CRACD: variants seen among roughly 807,000 people sequenced by gnomAD.
The protein encoded by CRACD is capping protein inhibiting regulator of actin dynamics.
A neutral mutation model predicts 106.8 loss-of-function variants in CRACD; 56 were observed. The ratio of observed to expected loss-of-function variants is 0.52; its 90% CI spans 0.42 to 0.66. The LOEUF (loss-of-function observed/expected upper bound fraction) is 0.66, where lower values mean the gene tolerates loss of function less well. Among genes scored for constraint, CRACD ranks in the 30% least tolerant of loss-of-function variants. The probability of loss-of-function intolerance (pLI) is 0.00; values close to 1 mark genes in which losing one functional copy is unlikely to be tolerated. For missense variants in CRACD, 1,730 were observed against 1,623.2 expected, an observed-to-expected ratio of 1.07 and a Z score of -1.13; for synonymous variants, 754 against 670.8, an observed-to-expected ratio of 1.12 and a Z score of -1.92.
intron 7 of CRACD, 133 bp from the exon 8 acceptor site, chr4:56,313,907 C>A: frequency 8.3e-7 from 1 of 1,198,108 alleles, no homozygotes; most frequent in Non-Finnish European, 1.2e-6. Flanking sequence ...GTTTAGCTAT[C>A]CCTGAACTTG....
chr4:56,243,518 T>TA (rs1740492795), intron 2 of CRACD, among the ~76,000 whole-genome samples: 1 of 152,198 alleles, frequency 6.6e-6, no homozygotes, highest in Non-Finnish European at 1.5e-5. Flanking sequence ...TACACTATAT[T>TA]AAAAAACAAA....
intron 2 of CRACD, among the ~76,000 whole-genome samples, chr4:56,248,281 A>G (rs1740815464): frequency 6.6e-6 from 1 of 152,172 alleles, no homozygotes; most frequent in Non-Finnish European, 1.5e-5. Context: ...ACATCTTACT[A>G]TGGAAAAATG....
chr4:56,164,414 G>A (rs1736067923), intron 1 of CRACD, among the ~76,000 whole-genome samples: 1 of 152,164 alleles, frequency 6.6e-6, no homozygotes, highest in Admixed American at 6.6e-5. Flanking sequence ...GATTACAGGC[G>A]TGAGCCACCG....
chr4:56,292,964 A>G (rs1486388394), intron 3 of CRACD, among the ~76,000 whole-genome samples: 2 of 152,232 alleles, frequency 1.3e-5, no homozygotes, highest in Non-Finnish European at 2.9e-5. Flanking sequence ...TAGACTTTCA[A>G]ATAATTGTGA....
intron 2 of CRACD, among the ~76,000 whole-genome samples, chr4:56,220,715 A>G (rs773457796): frequency 2.0e-5 from 3 of 151,768 alleles, no homozygotes; most frequent in Non-Finnish European, 4.4e-5. Flanking sequence ...TTTATTCACT[A>G]CTGACTAGTA....
intron 8 of CRACD, among the ~76,000 whole-genome samples, chr4:56,322,094 A>G (rs1378531094): frequency 6.6e-6 from 1 of 152,224 alleles, no homozygotes; most frequent in Non-Finnish European, 1.5e-5. Context: ...TTGAGATAAT[A>G]AGAGATTCAA....
chr4:56,114,426 C>T (rs1010692719), intron 1 of CRACD, among the ~76,000 whole-genome samples: 1 of 151,890 alleles, frequency 6.6e-6, no homozygotes, highest in African/African-American at 2.4e-5. Context: ...ATTTCATTGG[C>T]CAGAAATAGG....
intron 3 of CRACD, among the ~76,000 whole-genome samples, chr4:56,293,287 G>C (rs1305844083): frequency 1.3e-5 from 2 of 152,166 alleles, no homozygotes; most frequent in Non-Finnish European, 2.9e-5. Flanking sequence ...GTATTTAAGA[G>C]ATAAAGGCTG....
intron 2 of CRACD, among the ~76,000 whole-genome samples, chr4:56,264,329 A>G (rs548010266): frequency 6.6e-6 from 1 of 152,278 alleles, no homozygotes; most frequent in Non-Finnish European, 1.5e-5. Context: ...GTCCCCCTGA[A>G]TAAAGTCTAC....
chr4:56,262,843 T>A (rs1741785796), intron 2 of CRACD, among the ~76,000 whole-genome samples: 1 of 152,218 alleles, frequency 6.6e-6, no homozygotes, highest in Admixed American at 6.5e-5. Context: ...TTTCCTAAAA[T>A]ATTGCACTTC....
chr4:56,311,088 T>TTA (rs1269068956), intron 6 of CRACD: 1 of 191,956 alleles, frequency 5.2e-6, no homozygotes, highest in African/African-American at 2.4e-5. Context: ...ACGAGTCCTC[T>TTA]TATATTTAGA....
At chr4:56,284,739 A>AC (rs1743238590) in intron 3 of CRACD, among the ~76,000 whole-genome samples, 1 of 151,540 alleles carries the variant, frequency 6.6e-6, no homozygotes, top group Non-Finnish European at 1.5e-5. Flanking sequence ...ACAAAAAACA[A>AC]AAAAAAAGAA....
At chr4:56,200,515 C>A (rs1014505865) in intron 2 of CRACD, among the ~76,000 whole-genome samples, 4 of 152,162 alleles carry the variant, frequency 2.6e-5, no homozygotes, top group African/African-American at 9.7e-5. Flanking sequence ...ATGCGACACT[C>A]ATTTCACTGA....
chr4:56,323,291 T>C (rs1746219325), intron 8 of CRACD, 86 bp from the exon 9 acceptor site: 3 of 1,183,890 alleles, frequency 2.5e-6, no homozygotes, highest in Admixed American at 2.4e-5. Flanking sequence ...GGGTTATTAA[T>C]ATGTCACAAG....
Position 56,314,680 on chromosome 4 carries a change from G to A in CRACD, c.1178G>A (p.Arg393Gln), listed in dbSNP as rs556213097. Residue 393 changes from arginine to glutamine, a missense_variant, in exon 8 of 11, where the codon CGG becomes CAG. Transcript: ENST00000682029. The surrounding 1 kb of genome is among the most constrained non-coding windows in gnomAD (Gnocchi z 4.4). ...GCGTTGGAGGAGACTGGGGAGGGCC[G>A]GCGGGGCGCGGAGGAGGAGGATCTG... ...PEALEETGEG[R>Q]RGAEEEDLGE... 3.7e-5 allele frequency: 57 copies of A among 1,551,302 alleles called. No individual in the cohort carries two copies. The African/African-American group carries it at 7.1e-4, about 19-fold the overall frequency.
rs1251205442 is a variant in CRACD at position 56,314,961 on chromosome 4, G to C, written c.1459G>C (p.Asp487His). 6.3e-7 allele frequency: 1 copy of C among 1,590,746 alleles called. No homozygotes were observed. The highest frequency in any genetic ancestry group is 1.8e-5 in the Admixed American group (1 of 54,938). The change falls in exon 8 of 11, where the codon GAC becomes CAC. Residue 487 changes from aspartate to histidine, a missense_variant. This residue lies in a region of CRACD where 1,620 missense variants were observed against 1,481.6 expected (regional missense o/e 1.09). Transcript: ENST00000682029. The surrounding 1 kb of genome is among the most constrained non-coding windows in gnomAD (Gnocchi z 4.4). ...GCCCGAGGAAAAGAGAGAAGAAGGG[G>C]ACACGGAGCCTCTCCTGAAACAAGA... Reference protein sequence around the residue: ...PGPEEKREEGDTEPLLKQEGP... With the variant: ...PGPEEKREEGHTEPLLKQEGP...
chr4:56,089,351 G>A (rs1283832885), intron 1 of CRACD, among the ~76,000 whole-genome samples: 2 of 152,062 alleles, frequency 1.3e-5, no homozygotes, highest in Non-Finnish European at 2.9e-5. Context: ...TTACTTGAGG[G>A]TTCACTTTGC....
intron 2 of CRACD, among the ~76,000 whole-genome samples, chr4:56,201,793 T>C (rs1737894306): frequency 6.6e-6 from 1 of 152,222 alleles, no homozygotes; most frequent in Admixed American, 6.5e-5. Context: ...GTGTAATTCA[T>C]TGACCCTATT....
At chr4:56,296,920 G>T (rs201383659) in intron 3 of CRACD, among the ~76,000 whole-genome samples, 123 of 131,600 alleles carry the variant, frequency 9.3e-4, no homozygotes, top group Middle Eastern at 3.9e-3. Context: ...TTTTTTGTTT[G>T]TTTTTTTTTT....
Sources: allele counts gnomAD v4.1 joint callset (sites outside exome capture counted in the v4.1 genomes callset), GRCh38; gene constraint gnomAD v4.1.1; regional missense constraint gnomAD v4.1.1; non-coding constraint Gnocchi (gnomAD v3.1); transcripts MANE v1.5; gene names NCBI Gene and HGNC (gene_info 2026-07-23, HGNC 2026-07-21).